The following SEMA3E variants were observed in gnomAD, a reference collection of about 807,000 sequenced individuals.
SEMA3E encodes the protein semaphorin 3E.
A neutral mutation model predicts 93.6 loss-of-function variants in SEMA3E; 49 were observed. The observed-to-expected ratio is 0.52, with a 90% CI of 0.42 to 0.66. The LOEUF (loss-of-function observed/expected upper bound fraction) is 0.66, where lower values mean the gene tolerates loss of function less well. Among genes scored for constraint, SEMA3E ranks in the 30% least tolerant of loss-of-function variants. The probability of loss-of-function intolerance (pLI) is 0.00; values close to 1 mark genes in which losing one functional copy is unlikely to be tolerated. For synonymous variants in SEMA3E, 363 were observed against 330.7 expected (o/e 1.10, Z -1.06); for missense variants, 906 against 964.8 (o/e 0.94, Z 0.81).
chr7:83,466,548 A>T lies in SEMA3E; in HGVS notation c.390T>A (p.Leu130=), dbSNP rs1412228160. The T allele has an allele frequency of 1.2e-6, 2 of 1,613,968 alleles. No homozygotes were observed. The highest frequency in any genetic ancestry group is 1.7e-6 in the Non-Finnish European group (2 of 1,180,000). The change falls in exon 4 of 17, where the codon CTT becomes CTA. Residue 130 remains leucine, a synonymous_variant. Transcript: ENST00000643230. ...CAAAAGCTCCAGTACCACAGGTCAGAAGGTGTGTCCTGTTATAGTGATGCA... is the reference window on the plus strand; with the variant it reads ...CAAAAGCTCCAGTACCACAGGTCAGTAGGTGTGTCCTGTTATAGTGATGCA... ...RVLHHYNRTH[L]LTCGTGAFDP...
At chr7:83,488,132 G>A (rs1002392310) in intron 2 of SEMA3E, among the ~76,000 whole-genome samples, 1 of 152,000 alleles carries the variant, frequency 6.6e-6, no homozygotes. Flanking sequence ...GGTGGGTGTG[G>A]ATGAAATCAG....
At chr7:83,570,888 A>AG (rs1792273502) in intron 1 of SEMA3E, among the ~76,000 whole-genome samples, 1 of 151,548 alleles carries the variant, frequency 6.6e-6, no homozygotes. Context: ...ACAGAAATTT[A>AG]AAAAAAGATC....
intron 1 of SEMA3E, among the ~76,000 whole-genome samples, chr7:83,521,247 A>T (rs1333329124): frequency 1.3e-5 from 2 of 152,084 alleles, no homozygotes; most frequent in African/African-American, 4.8e-5. Context: ...CAAGGAAATC[A>T]TGGAAAGAAC....
chr7:83,643,967 C>A lies in SEMA3E; in HGVS notation c.115+4461G>T, dbSNP rs143664437. Among the ~76,000 whole-genome samples the A allele has an allele frequency of 4.1e-3, 630 of 151,918 alleles. 3 individuals carry two copies. The highest frequency in any genetic ancestry group is 0.011 in the Admixed American group (174 of 15,224). Reference sequence around the variant, plus strand: ...TAATACCAGGCTATTGGATGAGGAACCAAAGCTATGAGCTGGGTCAGGAAA... The same window carrying A: ...TAATACCAGGCTATTGGATGAGGAAACAAAGCTATGAGCTGGGTCAGGAAA... On this transcript the variant is annotated intron_variant, in intron 1 of 16. Coordinates refer to ENST00000643230, the MANE Select transcript of SEMA3E (RefSeq NM_012431.3).
At chr7:83,481,207 T>C (rs1229602861) in intron 2 of SEMA3E, among the ~76,000 whole-genome samples, 1 of 152,112 alleles carries the variant, frequency 6.6e-6, no homozygotes, top group Non-Finnish European at 1.5e-5. Context: ...CGAGGATGTT[T>C]TGTTTTTCCC....
intron 1 of SEMA3E, among the ~76,000 whole-genome samples, chr7:83,576,432 T>C (rs1193771872): frequency 1.3e-5 from 2 of 152,116 alleles, no homozygotes; most frequent in Non-Finnish European, 2.9e-5. Context: ...CTAAAAAGAC[T>C]TCATGCTTAT....
At chr7:83,569,207 A>G (rs527571975) in intron 1 of SEMA3E, among the ~76,000 whole-genome samples, 2 of 152,274 alleles carry the variant, frequency 1.3e-5, no homozygotes, top group Non-Finnish European at 2.9e-5. Flanking sequence ...AAGGAAAATT[A>G]CAAAACACTG....
intron 1 of SEMA3E, among the ~76,000 whole-genome samples, chr7:83,552,374 T>C (rs1791783760): frequency 6.6e-6 from 1 of 152,202 alleles, no homozygotes; most frequent in Admixed American, 6.6e-5. Context: ...ACTGTGATAA[T>C]TGTGTTAACT....
At chr7:83,496,623 A>AT (rs1468830447) in intron 1 of SEMA3E, among the ~76,000 whole-genome samples, 4 of 152,004 alleles carry the variant, frequency 2.6e-5, no homozygotes, top group Non-Finnish European at 4.4e-5. Context: ...TGTATTGAAT[A>AT]TTTTTTGCAT....
intron 1 of SEMA3E, among the ~76,000 whole-genome samples, chr7:83,579,008 T>C (rs916071266): frequency 6.6e-6 from 1 of 152,096 alleles, no homozygotes; most frequent in East Asian, 1.9e-4. Flanking sequence ...ATCGATATTA[T>C]AGTATTTAAT....
chr7:83,443,912 A>G (rs940163780), intron 4 of SEMA3E, among the ~76,000 whole-genome samples: 4 of 75,784 alleles, frequency 5.3e-5, no homozygotes, highest in African/African-American at 2.6e-4. Flanking sequence ...TAAAATAATG[A>G]CCTGATATAT....
At chr7:83,405,337 A>C (rs1788305862) in intron 9 of SEMA3E, 113 bp downstream of exon 9, 1 of 759,014 alleles carries the variant, frequency 1.3e-6, no homozygotes, top group Non-Finnish European at 2.3e-6. Flanking sequence ...AGTGTAGAAA[A>C]TGAGAAGAGC....
intron 1 of SEMA3E, among the ~76,000 whole-genome samples, chr7:83,626,917 A>G (rs560342788): frequency 4.6e-5 from 7 of 152,174 alleles, no homozygotes; most frequent in South Asian, 2.1e-4. Flanking sequence ...CTTTCTTCTC[A>G]TTGGTTTCAA....
intron 1 of SEMA3E, among the ~76,000 whole-genome samples, chr7:83,631,953 C>T (rs924593074): frequency 2.0e-5 from 3 of 152,034 alleles, no homozygotes; most frequent in Middle Eastern, 3.2e-3. Flanking sequence ...GTCAGGAGTT[C>T]GAGACCAGCC....
At chr7:83,393,422 C>T (rs762516614) in intron 13 of SEMA3E, among the ~76,000 whole-genome samples, 2 of 151,974 alleles carry the variant, frequency 1.3e-5, no homozygotes, top group African/African-American at 2.4e-5. Flanking sequence ...CAGCTACTCA[C>T]GAGGCTGACA....
intron 1 of SEMA3E, among the ~76,000 whole-genome samples, chr7:83,564,593 T>C (rs544780738): frequency 7.9e-5 from 12 of 152,240 alleles, no homozygotes; most frequent in Non-Finnish European, 1.3e-4. Flanking sequence ...CTTTAGTCAC[T>C]GTTGTTGCTA....
chr7:83,377,702 C>T (rs970731067), intron 16 of SEMA3E, among the ~76,000 whole-genome samples: 12 of 151,976 alleles, frequency 7.9e-5, no homozygotes, highest in African/African-American at 2.9e-4. Context: ...TACTAATCTT[C>T]TGAGCAGCTT....
chr7:83,538,919 C>T (rs1584317589), intron 1 of SEMA3E, among the ~76,000 whole-genome samples: 1 of 152,176 alleles, frequency 6.6e-6, no homozygotes, highest in Non-Finnish European at 1.5e-5. Flanking sequence ...GTCGCTCTCT[C>T]TTATGTTGGA....
chr7:83,562,065 C>T (rs1231872667), intron 1 of SEMA3E, among the ~76,000 whole-genome samples: 2 of 152,112 alleles, frequency 1.3e-5, no homozygotes, highest in Non-Finnish European at 2.9e-5. Flanking sequence ...CCAGCATATT[C>T]ATAAGTCTGA....
Sources: allele counts gnomAD v4.1 joint callset (sites outside exome capture counted in the v4.1 genomes callset), GRCh38; gene constraint gnomAD v4.1.1; transcripts MANE v1.5; gene names NCBI Gene and HGNC (gene_info 2026-07-23, HGNC 2026-07-21).